The following SLCO1C1 variants were observed in gnomAD, a reference collection of about 807,000 sequenced individuals.
SLCO1C1 encodes the protein OAT-RP-5.
SLCO1C1 carries 70 observed loss-of-function variants against 76.4 expected under a neutral mutation model. The observed-to-expected ratio is 0.92, with a 90% CI of 0.76 to 1.12. The LOEUF (loss-of-function observed/expected upper bound fraction) is 1.12, where lower values mean the gene tolerates loss of function less well. Among genes scored for constraint, SLCO1C1 ranks in the 50% most tolerant of loss-of-function variants. The pLI is 0.00. For synonymous variants in SLCO1C1, 306 were observed against 286.1 expected, an observed-to-expected ratio of 1.07 and a Z score of -0.70; for missense variants, 912 against 823.8, an observed-to-expected ratio of 1.11 and a Z score of -1.31.
At chr12:20,726,994 G>A (rs368095572) in intron 9 of SLCO1C1, among the ~76,000 whole-genome samples, 1 of 152,144 alleles carries the variant, frequency 6.6e-6, no homozygotes, top group South Asian at 2.1e-4. Flanking sequence ...GTTCACTTAG[G>A]ATAGTGGCCT....
intron 4 of SLCO1C1, among the ~76,000 whole-genome samples, chr12:20,707,715 C>G (rs1946850367): frequency 6.6e-6 from 1 of 152,082 alleles, no homozygotes; most frequent in African/African-American, 2.4e-5. Context: ...ATTAAGCCAC[C>G]TGGTTTTAAC....
chr12:20,711,296 T>C, intron 4 of SLCO1C1, 90 bp from the exon 5 acceptor site: 1 of 1,420,748 alleles, frequency 7.0e-7, no homozygotes, highest in South Asian at 1.4e-5. Flanking sequence ...AAGCTCAACC[T>C]GGTACCCTAA....
At chr12:20,731,561 C>G (rs770902065) in intron 9 of SLCO1C1, among the ~76,000 whole-genome samples, 1 of 152,186 alleles carries the variant, frequency 6.6e-6, no homozygotes, top group Non-Finnish European at 1.5e-5. Context: ...TATCTATTGA[C>G]TACAGTACAT....
intron 9 of SLCO1C1, among the ~76,000 whole-genome samples, chr12:20,732,644 GGACCAGAAA>G (rs1352728703): frequency 6.6e-6 from 1 of 152,080 alleles, no homozygotes; most frequent in Non-Finnish European, 1.5e-5. Context: ...TGCTGGAATT[GGACCAGAAA>G]GACCAGAAAG....
intron 6 of SLCO1C1, among the ~76,000 whole-genome samples, chr12:20,715,826 T>A (rs1947337339): frequency 6.6e-6 from 1 of 152,166 alleles, no homozygotes; most frequent in African/African-American, 2.4e-5. Flanking sequence ...ACCTCATCTC[T>A]GGAACACATC....
intron 13 of SLCO1C1, among the ~76,000 whole-genome samples, chr12:20,747,503 G>A (rs998206303): frequency 6.6e-6 from 1 of 152,176 alleles, no homozygotes; most frequent in Admixed American, 6.5e-5. Flanking sequence ...TCAAAGCTAT[G>A]ATGGTACATG....
rs528175408 is a variant in SLCO1C1 at position 20,731,621 on chromosome 12, C to G, written c.1187-1288C>G. 8.3e-4 allele frequency among the ~76,000 whole-genome samples: 127 copies of G among 152,228 alleles called. No homozygotes were observed. The Middle Eastern group carries it at 0.01, about 12-fold the overall frequency. ...CGAAAGAGATGTATTATCTCAAAAC[C>G]TCAAGAAAACATGGACATCAATGAT... On this transcript the variant is annotated intron_variant, in intron 9 of 14. Coordinates refer to ENST00000266509, the MANE Select transcript of SLCO1C1 (RefSeq NM_017435.5).
At chr12:20,701,544 TGCTGGGATCA>T in intron 3 of SLCO1C1, 85 bp downstream of exon 3, 1 of 1,074,328 alleles carries the variant, frequency 9.3e-7, no homozygotes, top group Admixed American at 2.9e-5. Flanking sequence ...TTCTATTGTC[TGCTGGGATCA>T]GACTCTATTC....
chr12:20,740,787 T>TTATTTATATATATA (rs1948772313), intron 12 of SLCO1C1, among the ~76,000 whole-genome samples: 1 of 75,058 alleles, frequency 1.3e-5, no homozygotes, highest in Non-Finnish European at 2.4e-5. Context: ...TTTATTTTAT[T>TTATTTATATATATA]TATATATATA....
intron 10 of SLCO1C1, among the ~76,000 whole-genome samples, chr12:20,736,323 A>G (rs549643228): frequency 6.4e-4 from 67 of 105,312 alleles, no homozygotes; most frequent in African/African-American, 1.7e-3. Context: ...AAATAACTCA[A>G]AAAAACCAAT....
At chr12:20,741,007 G>A (rs778539787) in intron 12 of SLCO1C1, among the ~76,000 whole-genome samples, 11 of 151,792 alleles carry the variant, frequency 7.2e-5, no homozygotes, top group Non-Finnish European at 1.3e-4. Flanking sequence ...AGTTCCGCAT[G>A]GCTGGAGAGG....
At chr12:20,725,352 T>C (rs564680460) in intron 9 of SLCO1C1, among the ~76,000 whole-genome samples, 121 of 137,038 alleles carry the variant, frequency 8.8e-4, no homozygotes, top group African/African-American at 3.1e-3. Context: ...TTAAAATTTA[T>C]AGTATATTAC....
chr12:20,697,963 G>A (rs1946339835), intron 1 of SLCO1C1, among the ~76,000 whole-genome samples: 1 of 151,978 alleles, frequency 6.6e-6, no homozygotes, highest in African/African-American at 2.4e-5. Flanking sequence ...AGCACTTCTG[G>A]TGCATCATCT....
chr12:20,735,742 G>A (rs1047849300), intron 10 of SLCO1C1, among the ~76,000 whole-genome samples: 3 of 152,118 alleles, frequency 2.0e-5, no homozygotes, highest in Middle Eastern at 3.4e-3. Flanking sequence ...AGAAATTATG[G>A]TTGCCATCAT....
intron 9 of SLCO1C1, among the ~76,000 whole-genome samples, chr12:20,726,719 T>G (rs999649006): frequency 6.6e-6 from 1 of 152,148 alleles, no homozygotes; most frequent in Non-Finnish European, 1.5e-5. Context: ...AAGTTTTATT[T>G]TGGAATAGGG....
chr12:20,715,412 C>T, intron 6 of SLCO1C1, 127 bp downstream of exon 6: 1 of 1,065,386 alleles, frequency 9.4e-7, no homozygotes. Context: ...TTATTTAGCT[C>T]ACACATTTCT....
In SLCO1C1 at chr12:20,709,709, G is replaced by A. The variant is rs1473666413; in HGVS notation, c.405-1677G>A. Among the ~76,000 whole-genome samples the A allele has an allele frequency of 7.1e-5, 2 of 28,180 alleles. 1 individual carries two copies. Among genetic ancestry groups the A allele is most frequent in the East Asian group, 3.7e-3 (2 of 540 alleles). 18.5% of individuals were successfully genotyped at this position (28,180 alleles called of 152,430 possible). A position where few individuals can be genotyped will look rare whatever the true frequency, so the allele number is the denominator to read the frequency against. ...ATCCTGGCTAACAAGGTGAAACCCC[G>A]TCTCTACTAAAAATACAAAAAATTA... is the stretch of plus-strand genomic sequence containing the variant. On this transcript the variant is annotated intron_variant, in intron 4 of 14. Transcript: ENST00000266509.
chr12:20,708,827 G>A (rs1032195294), intron 4 of SLCO1C1, among the ~76,000 whole-genome samples: 1 of 152,176 alleles, frequency 6.6e-6, no homozygotes, highest in South Asian at 2.1e-4. Flanking sequence ...GAGGCTCTTA[G>A]TAAACTACAG....
chr12:20,719,479 C>T (rs929166741), intron 7 of SLCO1C1, among the ~76,000 whole-genome samples: 2 of 152,136 alleles, frequency 1.3e-5, no homozygotes, highest in Non-Finnish European at 2.9e-5. Flanking sequence ...AAATCTAGGC[C>T]TCTTGCACCA....
Sources: allele counts gnomAD v4.1 joint callset (sites outside exome capture counted in the v4.1 genomes callset), GRCh38; gene constraint gnomAD v4.1.1; transcripts MANE v1.5; gene names NCBI Gene and HGNC (gene_info 2026-07-23, HGNC 2026-07-21).